The following CNN3 variants were observed in gnomAD, a reference collection of about 807,000 sequenced individuals.
The protein encoded by CNN3 is calponin-3.
Under a neutral mutation model 39.0 loss-of-function variants are expected in CNN3, and 11 were observed. The observed-to-expected ratio is 0.28, with a 90% CI of 0.18 to 0.47. The LOEUF is 0.47. Ranked by LOEUF, CNN3 falls within the 20% of genes least tolerant of loss-of-function variation. The pLI, the probability that CNN3 is intolerant of heterozygous loss-of-function variation, is 0.99. For synonymous variants in CNN3, 101 were observed against 138.3 expected (o/e 0.73, Z 1.89); for missense variants, 266 against 403.4 (o/e 0.66, Z 2.92).
intron 1 of CNN3, chr1:94,925,723 A>G (rs921964165): frequency 2.0e-5 from 20 of 985,326 alleles, no homozygotes; most frequent in Non-Finnish European, 2.2e-5. Context: ...CAGCGGTCGG[A>G]CGGTGCGGTG....
At position 94,902,139 on chromosome 1, in the gene CNN3, C is replaced by G; in HGVS notation, c.366G>C (p.Leu122=). ...NGNMTQVQTT[L]VALAGLAKTK... is the part of the protein sequence containing the mutation. ...TACGTACCAGACCTGCTAGAGCCAC[C>G]AGAGTAGTCTGAACCTGGGTCATGT... Residue 122 remains leucine, a synonymous_variant, in exon 4 of 7, where the codon CTG becomes CTC. Coordinates refer to ENST00000370206, the MANE Select transcript of CNN3 (RefSeq NM_001839.5). 1 of 1,613,310 alleles carries G rather than the reference C, an allele frequency of 6.2e-7. No individual in the cohort carries two copies. The highest frequency in any genetic ancestry group is 1.1e-5 in the South Asian group (1 of 91,054).
At chr1:94,917,112 C>T (rs1331112307) in intron 1 of CNN3, among the ~76,000 whole-genome samples, 2 of 152,186 alleles carry the variant, frequency 1.3e-5, no homozygotes, top group African/African-American at 4.8e-5. Flanking sequence ...TCTTGGCTCA[C>T]CGCAGCCTCT....
chr1:94,913,370 A>G (rs1053080582), intron 1 of CNN3, among the ~76,000 whole-genome samples: 18 of 152,362 alleles, frequency 1.2e-4, no homozygotes, highest in South Asian at 6.2e-4. Flanking sequence ...AGACTGGAGA[A>G]GTCAATTTGA....
At chr1:94,902,350 C>T (rs1409122827) in intron 3 of CNN3, 92 bp from the exon 4 acceptor site, 22 of 1,105,410 alleles carry the variant, frequency 2.0e-5, no homozygotes, top group East Asian at 7.7e-5. Context: ...AGTTATAAGA[C>T]GCTGCCCAGA....
intron 1 of CNN3, among the ~76,000 whole-genome samples, chr1:94,906,458 G>T (rs1006825952): frequency 7.0e-6 from 1 of 143,100 alleles, no homozygotes; most frequent in African/African-American, 2.7e-5. Flanking sequence ...AATACTAATT[G>T]TAAGGTGATT....
At chr1:94,907,685 C>G (rs1444793573) in intron 1 of CNN3, among the ~76,000 whole-genome samples, 1 of 152,120 alleles carries the variant, frequency 6.6e-6, no homozygotes, top group Non-Finnish European at 1.5e-5. Context: ...ACGGTGAAAC[C>G]CTGTCTCTGC....
chr1:94,916,443 A>T lies in CNN3; in HGVS notation c.57+10395T>A, dbSNP rs577715818. On this transcript the variant is annotated intron_variant, in intron 1 of 6. Coordinates refer to ENST00000370206, the MANE Select transcript of CNN3 (RefSeq NM_001839.5). ...AACAGAGGACGATCCTGTCTCAAACAAAACAGGTCATCAGTGACTTCTCAG... is the reference window on the plus strand; with the variant it reads ...AACAGAGGACGATCCTGTCTCAAACTAAACAGGTCATCAGTGACTTCTCAG... Among the ~76,000 whole-genome samples the T allele has an allele frequency of 5.9e-5, 9 of 152,150 alleles. No homozygotes were observed. In the South Asian group the frequency reaches 1.9e-3, roughly 32 times the overall value.
At chr1:94,904,630 C>T (rs1670949877) in intron 1 of CNN3, among the ~76,000 whole-genome samples, 1 of 152,048 alleles carries the variant, frequency 6.6e-6, no homozygotes, top group Admixed American at 6.6e-5. Flanking sequence ...GCCTGTCATC[C>T]CAGTGACTTG....
intron 1 of CNN3, among the ~76,000 whole-genome samples, chr1:94,923,676 C>T (rs1426156864): frequency 2.6e-5 from 4 of 152,062 alleles, no homozygotes; most frequent in Non-Finnish European, 5.9e-5. Context: ...TGATGAAATG[C>T]TTTTACAGCT....
chr1:94,899,413 G>A lies in CNN3; in HGVS notation c.606C>T (p.Thr202=). The stretch of plus-strand genomic sequence containing the variant: ...TAGTGCCCATCTGCAGACTAATTGT[G>A]GTCTGGTCAAAAGGTTTGTCAGTTT... The part of the protein sequence containing the change: ...KMQTDKPFDQ[T]TISLQMGTNK... The change falls in exon 6 of 7, where the codon ACC becomes ACT. Residue 202 remains threonine, a synonymous_variant. Coordinates refer to ENST00000370206, the MANE Select transcript of CNN3 (RefSeq NM_001839.5). 6.2e-7 allele frequency: 1 copy of A among 1,614,050 alleles called. No homozygotes were observed. Among genetic ancestry groups the A allele is most frequent in the Non-Finnish European group, 8.5e-7 (1 of 1,179,968 alleles).
intron 6 of CNN3, among the ~76,000 whole-genome samples, chr1:94,898,651 T>C (rs538741815): frequency 3.9e-5 from 6 of 152,292 alleles, no homozygotes; most frequent in African/African-American, 1.4e-4. Context: ...TCATACTTCA[T>C]CTCTCTACTT....
intron 3 of CNN3, 102 bp downstream of exon 3, chr1:94,903,020 A>T: frequency 2.7e-6 from 2 of 731,718 alleles, no homozygotes; most frequent in Non-Finnish European, 4.0e-6. Context: ...CAAAAAGTTA[A>T]AAAAAAAAAA....
At chr1:94,911,490 A>C (rs1671163919) in intron 1 of CNN3, among the ~76,000 whole-genome samples, 1 of 152,228 alleles carries the variant, frequency 6.6e-6, no homozygotes, top group Non-Finnish European at 1.5e-5. Flanking sequence ...TTAAAGCTTC[A>C]AAAATTACTA....
Position 94,901,561 on chromosome 1 carries a change from C to T in CNN3, c.501+108G>A, listed in dbSNP as rs528105197. On this transcript the variant is annotated intron_variant, in intron 5 of 6. Transcript: ENST00000370206. The stretch of plus-strand genomic sequence containing the variant: ...AAATTGTATAAACTACACCCCCCCC[C>T]CAGTACTATAGTACTTCTGTCTATT... The T allele has an allele frequency of 3.8e-4, 260 of 682,132 alleles. 6 individuals carry two copies. The South Asian group carries it at 4.6e-3, about 12-fold the overall frequency. The allele number at this position is 682,132 out of a possible 1,614,324, so 42.3% of individuals were successfully genotyped here.
rs374270794 is a variant in CNN3, at chr1:94,903,146, G to A, written c.222C>T (p.Asn74=). 22 of 1,612,040 alleles carry A rather than the reference G, an allele frequency of 1.4e-5. No individual in the cohort carries two copies. Among genetic ancestry groups the A allele is most frequent in the African/African-American group, 8.0e-5 (6 of 74,832 alleles). ...CCTGAGGCCAGTTCAGTGAGGACTC[G>A]TTGACCTTCTTCACTGAGCCTGGCT... is the stretch of plus-strand genomic sequence containing the variant. The part of the protein sequence containing the change: ...KLQPGSVKKV[N]ESSLNWPQLE... Residue 74 remains asparagine (N), a synonymous_variant, in exon 3 of 7, where the codon AAC becomes AAT. Coordinates refer to ENST00000370206, the MANE Select transcript of CNN3 (RefSeq NM_001839.5).
chr1:94,915,439 G>C (rs111970226), intron 1 of CNN3, among the ~76,000 whole-genome samples: 1 of 152,148 alleles, frequency 6.6e-6, no homozygotes, highest in Non-Finnish European at 1.5e-5. Flanking sequence ...AGTCTGCAAG[G>C]ATCTTATGAT....
intron 1 of CNN3, among the ~76,000 whole-genome samples, chr1:94,921,579 T>C (rs1364259674): frequency 6.6e-6 from 1 of 151,994 alleles, no homozygotes; most frequent in Non-Finnish European, 1.5e-5. Context: ...CTAACCCTCA[T>C]GTCCCAACCT....
Position 94,901,752 on chromosome 1 carries a change from T to C in CNN3, c.418A>G (p.Ile140Val). 1.2e-6 allele frequency: 2 copies of C among 1,613,996 alleles called. No individual in the cohort carries two copies. The highest frequency in any genetic ancestry group is 2.2e-5 in the East Asian group (1 of 44,872). The change falls in exon 5 of 7, where the codon ATT becomes GTT. Residue 140 changes from isoleucine (I) to valine (V), a missense_variant. Physicochemically the swap from Ile to Val is conservative, Grantham distance 29. Coordinates refer to ENST00000370206, the MANE Select transcript of CNN3 (RefSeq NM_001839.5). Reference protein sequence around the residue: ...KTKGFHTTIDIGVKYAEKQTR... With the variant: ...KTKGFHTTIDVGVKYAEKQTR... The stretch of plus-strand genomic sequence containing the variant: ...TGTTTTTCTGCATACTTAACTCCAA[T>C]GTCAATGGTTGTATGGAATCCTTTT...
chr1:94,916,309 G>A (rs1671278386), intron 1 of CNN3, among the ~76,000 whole-genome samples: 1 of 152,170 alleles, frequency 6.6e-6, no homozygotes, highest in Non-Finnish European at 1.5e-5. Context: ...GGGAGGCTGA[G>A]GCAGGAGGAT....
Sources: allele counts gnomAD v4.1 joint callset (sites outside exome capture counted in the v4.1 genomes callset), GRCh38; gene constraint gnomAD v4.1.1; transcripts MANE v1.5; gene names NCBI Gene and HGNC (gene_info 2026-07-23, HGNC 2026-07-21).